RNF111: variants seen among roughly 807,000 people sequenced by gnomAD.
RNF111 encodes E3 ubiquitin-protein ligase Arkadia.
A neutral mutation model predicts 95.1 loss-of-function variants in RNF111; 17 were observed. The ratio of observed to expected loss-of-function variants is 0.18; its 90% CI spans 0.12 to 0.27. The LOEUF (loss-of-function observed/expected upper bound fraction) is 0.27, where lower values mean the gene tolerates loss of function less well. RNF111 is among the 10% of genes least tolerant of loss of function. RNF111 has a pLI of 1.00. For missense variants in RNF111, 1,189 were observed against 1,210.4 expected (o/e 0.98, Z 0.26); for synonymous variants, 440 against 414.8 (o/e 1.06, Z -0.74).
intron 2 of RNF111, among the ~76,000 whole-genome samples, chr15:59,037,362 A>AG (rs1184722778): frequency 6.6e-6 from 1 of 152,210 alleles, no homozygotes; most frequent in African/African-American, 2.4e-5. Context: ...CAAGAACTCC[A>AG]GATATTTAAA....
At position 59,052,347 on chromosome 15, in the gene RNF111, C is replaced by G. The variant is rs766785730; in HGVS notation, c.923C>G (p.Thr308Ser). 3.7e-6 allele frequency: 6 copies of G among 1,604,124 alleles called. No individual in the cohort carries two copies. The highest frequency in any genetic ancestry group is 5.1e-6 in the Non-Finnish European group (6 of 1,175,994). ...EDVVVIEASS[T>S]PQVTANEEIN... ...GTTGTGGTGATAGAAGCTTCCTCCA[C>G]TCCCCAGGTTACTGCCAATGAAGAA... The change falls in exon 3 of 14, where the codon ACT becomes AGT. Residue 308 changes from threonine to serine, a missense_variant. This residue lies in a region of RNF111 where 1,024 missense variants were observed against 925.9 expected (regional missense o/e 1.11). Transcript: ENST00000348370.
At position 59,015,277 on chromosome 15, in the gene RNF111, A is replaced by G. The variant is rs966913078; in HGVS notation, c.-19-15527A>G. 6.6e-5 allele frequency among the ~76,000 whole-genome samples: 10 copies of G among 152,334 alleles called. 1 individual carries two copies. Among genetic ancestry groups the G allele is most frequent in the Admixed American group, 3.9e-4 (6 of 15,302 alleles). On this transcript the variant is annotated intron_variant, in intron 1 of 13. Coordinates refer to ENST00000348370, the MANE Select transcript of RNF111 (RefSeq NM_017610.8). ...ATCATTTTGAAGGCTTTCTTTGCATACTAGCATGTTAGAGATATTGTCATG... is the reference window on the plus strand; with the variant it reads ...ATCATTTTGAAGGCTTTCTTTGCATGCTAGCATGTTAGAGATATTGTCATG...
At chr15:59,090,236 T>C (rs2079013295) in intron 11 of RNF111, among the ~76,000 whole-genome samples, 1 of 152,030 alleles carries the variant, frequency 6.6e-6, no homozygotes, top group South Asian at 2.1e-4. Context: ...TTGTTTGTTG[T>C]TGTTGTTTTT....
chr15:59,093,684 A>G (rs578248968), intron 13 of RNF111, among the ~76,000 whole-genome samples: 1 of 151,946 alleles, frequency 6.6e-6, no homozygotes, highest in African/African-American at 2.4e-5. Flanking sequence ...TCTTTTTTTT[A>G]ATGTTAACAT....
Position 59,091,172 on chromosome 15 carries a change from G to A in RNF111, c.2739+18G>A. 1 of 1,421,174 alleles carries A rather than the reference G, an allele frequency of 7.0e-7. No individual in the cohort carries two copies. The highest frequency in any genetic ancestry group is 9.9e-7 in the Non-Finnish European group (1 of 1,010,428). 88.0% of individuals were successfully genotyped at this position (1,421,174 alleles called of 1,614,324 possible). A position where few individuals can be genotyped will look rare whatever the true frequency, so the allele number is the denominator to read the frequency against. On this transcript the variant is annotated intron_variant, in intron 12 of 13. Coordinates refer to ENST00000348370, the MANE Select transcript of RNF111 (RefSeq NM_017610.8). ...ACAAAAAGGTAAGAATTTATTCTAT[G>A]AAACTTCTGGAGTGTTACTGAAAGG...
intron 1 of RNF111, among the ~76,000 whole-genome samples, chr15:58,994,580 C>T (rs1375295396): frequency 6.8e-6 from 1 of 147,412 alleles, no homozygotes; most frequent in Admixed American, 7.0e-5. Context: ...CAGGTTCAAG[C>T]GATTCTCCTA....
At chr15:58,992,549 G>A (rs2038865369) in intron 1 of RNF111, among the ~76,000 whole-genome samples, 1 of 152,166 alleles carries the variant, frequency 6.6e-6, no homozygotes, top group African/African-American at 2.4e-5. Flanking sequence ...TGGGCCCAGT[G>A]GCTCATGCCT....
At chr15:59,055,875 A>T in intron 4 of RNF111, 30 bp downstream of exon 4, 1 of 1,547,926 alleles carries the variant, frequency 6.5e-7, no homozygotes, top group Non-Finnish European at 8.8e-7. Flanking sequence ...GTAGAAAATT[A>T]TGAAAGGAGT....
chr15:59,081,225 T>A lies in RNF111; in HGVS notation c.2238T>A (p.His746Gln). Residue 746 changes from histidine (H) to glutamine (Q), a missense_variant, in exon 8 of 14, where the codon CAT becomes CAA. Physicochemically the swap from His to Gln is conservative, Grantham distance 24 (BLOSUM62 0). Coordinates refer to ENST00000348370, the MANE Select transcript of RNF111 (RefSeq NM_017610.8). ...CAGCACCTCCAGCACAGAGACTGCA[T>A]CCTCATGAAGTGATGCAGAGGATGG... ...PATAPPAQRLHPHEVMQRMEV... is the reference protein window; with the variant it reads ...PATAPPAQRLQPHEVMQRMEV... 1.2e-6 allele frequency: 2 copies of A among 1,614,174 alleles called. No homozygotes were observed. The highest frequency in any genetic ancestry group is 1.1e-5 in the South Asian group (1 of 91,082).
At chr15:59,072,747 C>T (rs765241118) in intron 6 of RNF111, among the ~76,000 whole-genome samples, 8 of 152,008 alleles carry the variant, frequency 5.3e-5, no homozygotes, top group Non-Finnish European at 8.8e-5. Flanking sequence ...CCACCACACC[C>T]GGCCTGTCAT....
At chr15:59,039,023 G>A (rs2041318867) in intron 2 of RNF111, among the ~76,000 whole-genome samples, 2 of 152,174 alleles carry the variant, frequency 1.3e-5, no homozygotes. Flanking sequence ...GGAGTGCAAT[G>A]ACACGATCTC....
At chr15:59,001,039 C>T (rs545007114) in intron 1 of RNF111, among the ~76,000 whole-genome samples, 5 of 152,050 alleles carry the variant, frequency 3.3e-5, no homozygotes, top group Non-Finnish European at 7.4e-5. Context: ...TTGGTATTAA[C>T]TACTAATGTG....
intron 1 of RNF111, among the ~76,000 whole-genome samples, chr15:58,993,222 A>G (rs1193394928): frequency 2.6e-5 from 4 of 151,360 alleles, no homozygotes; most frequent in East Asian, 3.9e-4. Flanking sequence ...ATAATTAGTA[A>G]AAGTGGCCAG....
At chr15:59,054,398 C>CAAAA (rs1271208006) in intron 3 of RNF111, among the ~76,000 whole-genome samples, 1 of 152,124 alleles carries the variant, frequency 6.6e-6, no homozygotes, top group Non-Finnish European at 1.5e-5. Flanking sequence ...GATGCTTTCA[C>CAAAA]AAAAGTACTG....
chr15:59,072,257 T>G (rs1046112470), intron 6 of RNF111, among the ~76,000 whole-genome samples: 1 of 152,106 alleles, frequency 6.6e-6, no homozygotes, highest in Non-Finnish European at 1.5e-5. Flanking sequence ...GTTTGCTGCA[T>G]TGATTGACTG....
At chr15:59,038,958 G>T (rs1678667850) in intron 2 of RNF111, among the ~76,000 whole-genome samples, 1 of 151,856 alleles carries the variant, frequency 6.6e-6, no homozygotes, top group Non-Finnish European at 1.5e-5. Flanking sequence ...TATATTAGGG[G>T]TGCAAAATAT....
Position 59,089,947 on chromosome 15 carries a change from C to T in RNF111, c.2643+188C>T, listed in dbSNP as rs143566574. On this transcript the variant is annotated intron_variant, in intron 11 of 13. Transcript: ENST00000348370. The stretch of plus-strand genomic sequence containing the variant: ...TATTAATCTTAGGGTCAAAAGTTAC[C>T]GAAATATTTAAAGATGAGTAAATGA... 5.2e-3 allele frequency among the ~76,000 whole-genome samples: 787 copies of T among 151,092 alleles called. 6 individuals carry two copies. The highest frequency in any genetic ancestry group is 7.1e-3 in the Non-Finnish European group (478 of 67,720).
chr15:59,013,252 A>G (rs1473491812), intron 1 of RNF111, among the ~76,000 whole-genome samples: 4 of 152,324 alleles, frequency 2.6e-5, no homozygotes, highest in East Asian at 3.9e-4. Flanking sequence ...GAGTTCCCAT[A>G]TATCGCTCAC....
At chr15:59,044,401 A>T (rs1404332466) in intron 2 of RNF111, among the ~76,000 whole-genome samples, 1 of 152,192 alleles carries the variant, frequency 6.6e-6, no homozygotes, top group East Asian at 1.9e-4. Context: ...ATCAGTGAGT[A>T]TAGTGGCTAA....
Sources: allele counts gnomAD v4.1 joint callset (sites outside exome capture counted in the v4.1 genomes callset), GRCh38; gene constraint gnomAD v4.1.1; regional missense constraint gnomAD v4.1.1; transcripts MANE v1.5; gene names NCBI Gene and HGNC (gene_info 2026-07-23, HGNC 2026-07-21).